Variants in ZNF678 observed in about 807,000 individuals in gnomAD.
The protein encoded by ZNF678 is hypothetical protein MGC42493.
ZNF678 carries 5 observed loss-of-function variants against 3.0 expected under a neutral mutation model. The observed-to-expected ratio is 1.69, with a 90% CI of 0.88 to 3.56. The LOEUF is 3.56. Ranked by LOEUF, ZNF678 falls within the 30% of genes most tolerant of loss-of-function variation. The pLI is 0.00. For synonymous variants in ZNF678, 218 were observed against 199.6 expected (o/e 1.09, Z -0.78); for missense variants, 593 against 605.0 (o/e 0.98, Z 0.21).
In ZNF678 at chr1:227,658,735, C is replaced by T. The variant is rs894912797; in HGVS notation, c.*2907C>T. ...TGAGGACATTTTTAAGTTAGAAATG[C>T]ACCATTTGAATCATTTAATTGGCAT... On this transcript the variant is annotated 3_prime_UTR_variant, in exon 4 of 4. Coordinates refer to ENST00000343776, the MANE Select transcript of ZNF678 (RefSeq NM_001367909.1). The T allele has an allele frequency of 2.0e-5, 3 of 151,956 alleles. No individual in the cohort carries two copies. Among genetic ancestry groups the T allele is most frequent in the Non-Finnish European group, 4.4e-5 (3 of 67,956 alleles). 9.4% of individuals were successfully genotyped at this position (151,956 alleles called of 1,614,324 possible).
intron 1 of ZNF678, among the ~76,000 whole-genome samples, chr1:227,565,075 T>A (rs796313697): frequency 2.9e-5 from 4 of 138,184 alleles, no homozygotes; most frequent in African/African-American, 8.2e-5. Flanking sequence ...TTTTTTTTTT[T>A]TTTTTGGTTG....
intron 1 of ZNF678, among the ~76,000 whole-genome samples, chr1:227,628,836 G>C (rs1658479940): frequency 6.6e-6 from 1 of 152,188 alleles, no homozygotes; most frequent in Admixed American, 6.5e-5. Flanking sequence ...AAATAGATGG[G>C]GGCTATCCCA....
At chr1:227,670,456 G>A (rs1332057567) in intron 5 of ZNF678, among the ~76,000 whole-genome samples, 5 of 152,158 alleles carry the variant, frequency 3.3e-5, no homozygotes, top group Non-Finnish European at 1.5e-5. Context: ...GATTATTATG[G>A]TCTCAGGTAG....
intron 1 of ZNF678, among the ~76,000 whole-genome samples, chr1:227,618,828 A>G (rs1281193487): frequency 6.6e-6 from 1 of 152,148 alleles, no homozygotes; most frequent in Non-Finnish European, 1.5e-5. Flanking sequence ...CTGGGCACCT[A>G]TATTAGTTTG....
At chr1:227,662,911 G>A (rs555533658), downstream of ZNF678, among the ~76,000 whole-genome samples, 1 of 152,322 alleles carries the variant, frequency 6.6e-6, no homozygotes, top group South Asian at 2.1e-4. Flanking sequence ...TCCCAAAAAT[G>A]TATGTGTTCC....
intron 1 of ZNF678, among the ~76,000 whole-genome samples, chr1:227,573,219 G>T (rs1008527237): frequency 2.0e-5 from 3 of 152,192 alleles, no homozygotes; most frequent in African/African-American, 7.2e-5. Context: ...GTGCATTAAC[G>T]TAATTCTCAG....
chr1:227,626,326 A>T (rs1236728594), intron 1 of ZNF678, among the ~76,000 whole-genome samples: 1 of 152,172 alleles, frequency 6.6e-6, no homozygotes. Context: ...AATGTGATGT[A>T]TCCAAGATTC....
rs1184636072 is a variant in ZNF678, at chr1:227,660,456, A to G, written c.*4628A>G. 2.0e-5 allele frequency: 3 copies of G among 151,872 alleles called. No homozygotes were observed. The highest frequency in any genetic ancestry group is 2.0e-4 in the Admixed American group (3 of 15,250). 9.4% of individuals were successfully genotyped at this position (151,872 alleles called of 1,614,324 possible). A position where few individuals can be genotyped will look rare whatever the true frequency, so the allele number is the denominator to read the frequency against. On this transcript the variant is annotated 3_prime_UTR_variant, in exon 4 of 4. Coordinates refer to ENST00000343776, the MANE Select transcript of ZNF678 (RefSeq NM_001367909.1). Reference sequence around the variant, plus strand: ...ATGTAGAGATCTTTAACATTTTTGAATAATTTTATTTGGAAGTAAACTTTC... The same window carrying G: ...ATGTAGAGATCTTTAACATTTTTGAGTAATTTTATTTGGAAGTAAACTTTC...
At position 227,638,547 on chromosome 1, in the gene ZNF678, G is replaced by A. The variant is rs985561178; in HGVS notation, c.-163-7997G>A. Among the ~76,000 whole-genome samples, 1 of 152,118 alleles carries A rather than the reference G, an allele frequency of 6.6e-6. No homozygotes were observed. Among genetic ancestry groups the A allele is most frequent in the Admixed American group, 6.5e-5 (1 of 15,280 alleles). On this transcript the variant is annotated intron_variant, in intron 1 of 3. Transcript: ENST00000343776. The surrounding 1 kb of genome is among the most constrained non-coding windows in gnomAD (Gnocchi z 4.2). ...AATGCAGACGGTGGTGTGGTGTTTT[G>A]CGCCTAAACAGCGGGGTTGACTACA...
chr1:227,655,709 A>G lies in ZNF678; in HGVS notation c.1459A>G (p.Lys487Glu). Residue 487 changes from lysine to glutamate, a missense_variant, in exon 4 of 4, where the codon AAA becomes GAA. Transcript: ENST00000343776. ...TRHKRIHTGEKRYKCKECGKG... is the reference protein window; with the variant it reads ...TRHKRIHTGEERYKCKECGKG... The stretch of plus-strand genomic sequence containing the variant: ...TCATAAAAGAATTCATACTGGAGAG[A>G]AACGCTACAAATGTAAAGAATGTGG... 6.2e-7 allele frequency: 1 copy of G among 1,612,758 alleles called. No homozygotes were observed. Among genetic ancestry groups the G allele is most frequent in the Non-Finnish European group, 8.5e-7 (1 of 1,179,196 alleles).
At chr1:227,589,564 C>G (rs182139671) in intron 1 of ZNF678, among the ~76,000 whole-genome samples, 1 of 151,522 alleles carries the variant, frequency 6.6e-6, no homozygotes, top group African/African-American at 2.4e-5. Flanking sequence ...CCAAGCTCCC[C>G]GAGTGAGCAA....
At chr1:227,595,001 CT>C (rs1196558326) in intron 1 of ZNF678, among the ~76,000 whole-genome samples, 1 of 152,150 alleles carries the variant, frequency 6.6e-6, no homozygotes, top group Non-Finnish European at 1.5e-5. Flanking sequence ...GGGTTAAGGA[CT>C]TTTGATAGGA....
chr1:227,625,888 A>G (rs73094538), intron 1 of ZNF678, among the ~76,000 whole-genome samples: 1,637 of 152,272 alleles, frequency 0.011, 34 homozygotes, highest in African/African-American at 0.038. Flanking sequence ...GACAAGTAGG[A>G]TTATTTTCCC....
intron 1 of ZNF678, among the ~76,000 whole-genome samples, chr1:227,612,997 G>T (rs1658057356): frequency 6.6e-6 from 1 of 152,038 alleles, no homozygotes; most frequent in Non-Finnish European, 1.5e-5. Context: ...TTCACCTAAG[G>T]TCACCCAAAA....
intron 1 of ZNF678, among the ~76,000 whole-genome samples, chr1:227,579,946 A>G (rs1657083970): frequency 6.6e-6 from 1 of 152,080 alleles, no homozygotes; most frequent in Admixed American, 6.5e-5. Flanking sequence ...TGGGCTCTGC[A>G]TCAGCTGGCT....
chr1:227,657,194 TAAAAAC>T lies in ZNF678; in HGVS notation c.*1376_*1381del, dbSNP rs1659272627. 6.6e-6 allele frequency: 1 copy of T among 151,684 alleles called. No homozygotes were observed. The highest frequency in any genetic ancestry group is 1.5e-5 in the Non-Finnish European group (1 of 67,800). 9.4% of individuals were successfully genotyped at this position (151,684 alleles called of 1,614,324 possible). A position where few individuals can be genotyped will look rare whatever the true frequency, so the allele number is the denominator to read the frequency against. ...GTTAGTTCATGTGAAAGCTGGTTGT[TAAAAAC>T]AAAAACAAACAAACAAAAAACTGAT... On this transcript the variant is annotated 3_prime_UTR_variant, in exon 4 of 4. Coordinates refer to ENST00000343776, the MANE Select transcript of ZNF678 (RefSeq NM_001367909.1).
Position 227,587,940 on chromosome 1 carries a change from T to G in ZNF678, c.-164+24216T>G, listed in dbSNP as rs373914907. Among the ~76,000 whole-genome samples, 5 of 152,144 alleles carry G rather than the reference T, an allele frequency of 3.3e-5. No individual in the cohort carries two copies. The East Asian group carries it at 5.8e-4, about 18-fold the overall frequency. Reference sequence around the variant, plus strand: ...CACAGATCATCCCATCACTTAGGTATTAAGCCCAGCATCCATTAGCTATTC... The same window carrying G: ...CACAGATCATCCCATCACTTAGGTAGTAAGCCCAGCATCCATTAGCTATTC... On this transcript the variant is annotated intron_variant, in intron 1 of 3. Coordinates refer to ENST00000343776, the MANE Select transcript of ZNF678 (RefSeq NM_001367909.1).
intron 1 of ZNF678, among the ~76,000 whole-genome samples, chr1:227,609,560 G>T (rs1221176534): frequency 6.6e-6 from 1 of 151,996 alleles, no homozygotes; most frequent in Non-Finnish European, 1.5e-5. Context: ...CATAACAATA[G>T]GTTTATTGAA....
chr1:227,648,491 A>G (rs187121491), intron 2 of ZNF678, among the ~76,000 whole-genome samples: 2 of 152,328 alleles, frequency 1.3e-5, no homozygotes, highest in Admixed American at 1.3e-4. Flanking sequence ...CATACAAGAC[A>G]TTATTATTAA....
Sources: allele counts gnomAD v4.1 joint callset (sites outside exome capture counted in the v4.1 genomes callset), GRCh38; gene constraint gnomAD v4.1.1; non-coding constraint Gnocchi (gnomAD v3.1); transcripts MANE v1.5; gene names NCBI Gene and HGNC (gene_info 2026-07-23, HGNC 2026-07-21).